KANK1: variants seen among roughly 807,000 people sequenced by gnomAD.
KANK1 encodes the protein KN motif and ankyrin repeat domains 1.
A neutral mutation model predicts 106.2 loss-of-function variants in KANK1; 109 were observed. That is an observed-to-expected ratio of 1.03 (90% CI 0.88 to 1.20). KANK1 has a LOEUF of 1.20. Among genes scored for constraint, KANK1 ranks in the 50% most tolerant of loss-of-function variants. KANK1 has a pLI of 0.00. For missense variants in KANK1, 2,399 were observed against 1,710.7 expected (o/e 1.40, Z -7.10); for synonymous variants, 873 against 652.2 (o/e 1.34, Z -5.16).
At position 647,470 on chromosome 9, in the gene KANK1, G is replaced by A. The variant is rs1032628500; in HGVS notation, c.-83-29420G>A. On this transcript the variant is annotated intron_variant, in intron 1 of 11. Transcript: ENST00000382297. ...GGTCTCTTTCTCTGTCTTTAACATTGGTCAGGTTCCAAACTAGTGAAAACT... is the reference window on the plus strand; with the variant it reads ...GGTCTCTTTCTCTGTCTTTAACATTAGTCAGGTTCCAAACTAGTGAAAACT... Among the ~76,000 whole-genome samples, 141 of 150,896 alleles carry A rather than the reference G, an allele frequency of 9.3e-4. 12 individuals carry two copies. The highest frequency in any genetic ancestry group is 3.4e-3 in the African/African-American group (138 of 40,270).
intron 1 of KANK1, among the ~76,000 whole-genome samples, chr9:594,427 C>T (rs1825736098): frequency 1.3e-5 from 2 of 151,728 alleles, no homozygotes; most frequent in Admixed American, 1.3e-4. Flanking sequence ...AAATCATATA[C>T]CAGAAGGATG....
chr9:735,913 T>A (rs986662505), intron 7 of KANK1: 11 of 241,080 alleles, frequency 4.6e-5, no homozygotes, highest in Non-Finnish European at 8.2e-5. Context: ...GAGAATTGCT[T>A]GCACCCGGGA....
intron 3 of KANK1, among the ~76,000 whole-genome samples, chr9:723,075 A>G (rs1408368337): frequency 2.0e-5 from 3 of 152,202 alleles, no homozygotes; most frequent in Non-Finnish European, 2.9e-5. Context: ...AGGATGGCGA[A>G]TTTCCAGACC....
chr9:690,416 T>C (rs1169726382), intron 2 of KANK1, among the ~76,000 whole-genome samples: 1 of 151,944 alleles, frequency 6.6e-6, no homozygotes, highest in African/African-American at 2.4e-5. Context: ...AGCAGTAGAA[T>C]AGCACCATGC....
At chr9:482,779 C>T (rs960647376) in intron 3 of KANK1, among the ~76,000 whole-genome samples, 5 of 152,228 alleles carry the variant, frequency 3.3e-5, no homozygotes, top group South Asian at 2.1e-4. Context: ...GAATTTGTAT[C>T]GCTGACTCTT....
In KANK1 at chr9:740,881, C is replaced by A. The variant is rs550641108; in HGVS notation, c.3643C>A (p.Arg1215=). The change falls in exon 9 of 12, where the codon CGG becomes AGG. Residue 1215 remains arginine, a synonymous_variant. Transcript: ENST00000382297. ...LAAVEAEKDM[R]IVEELFGCGD... ...CGCTGTGGAAGCAGAGAAGGACATGCGGATTGTGGAAGAACTCTTCGGCTG... is the reference window on the plus strand; with the variant it reads ...CGCTGTGGAAGCAGAGAAGGACATGAGGATTGTGGAAGAACTCTTCGGCTG... 2 of 1,613,894 alleles carry A rather than the reference C, an allele frequency of 1.2e-6. No homozygotes were observed. Among genetic ancestry groups the A allele is most frequent in the African/African-American group, 1.3e-5 (1 of 74,868 alleles).
intron 1 of KANK1, among the ~76,000 whole-genome samples, chr9:588,066 A>C (rs1210010146): frequency 1.9e-5 from 1 of 52,382 alleles, no homozygotes; most frequent in Non-Finnish European, 3.7e-5. Context: ...ACTTGGTCTC[A>C]AGAAAAAAAA....
chr9:702,875 G>A (rs1031848020), intron 2 of KANK1, among the ~76,000 whole-genome samples: 1 of 152,032 alleles, frequency 6.6e-6, no homozygotes, highest in Non-Finnish European at 1.5e-5. Context: ...TTTTACTCTG[G>A]TCATTTACCT....
At chr9:513,596 AT>A (rs1367963662) in intron 1 of KANK1, among the ~76,000 whole-genome samples, 1 of 152,154 alleles carries the variant, frequency 6.6e-6, no homozygotes, top group Non-Finnish European at 1.5e-5. Context: ...CTCTTTTGAT[AT>A]TTGTCTTACT....
intron 3 of KANK1, 102 bp from the exon 4 acceptor site, chr9:729,949 A>G (rs2131681024): frequency 1.0e-6 from 1 of 1,001,534 alleles, no homozygotes; most frequent in African/African-American, 1.7e-5. Flanking sequence ...TGGCTGGGAT[A>G]ATAGTCCCAT....
chr9:723,611 T>C (rs1829928342), intron 3 of KANK1, among the ~76,000 whole-genome samples: 1 of 149,786 alleles, frequency 6.7e-6, no homozygotes, highest in African/African-American at 2.5e-5. Context: ...TGGGTGACAG[T>C]GTGAGACCCT....
chr9:521,103 G>C (rs940056429), intron 1 of KANK1, among the ~76,000 whole-genome samples: 6 of 151,702 alleles, frequency 4.0e-5, no homozygotes, highest in African/African-American at 1.5e-4. Flanking sequence ...TTCTTACTAG[G>C]AAATTTCTGT....
chr9:744,025 C>T (rs576477409), intron 10 of KANK1, among the ~76,000 whole-genome samples: 1 of 152,306 alleles, frequency 6.6e-6, no homozygotes, highest in Admixed American at 6.5e-5. Context: ...GTGCAACCCA[C>T]TGGGATTGCG....
chr9:595,524 T>C (rs1826000915), intron 1 of KANK1, among the ~76,000 whole-genome samples: 1 of 151,796 alleles, frequency 6.6e-6, no homozygotes, highest in East Asian at 1.9e-4. Flanking sequence ...TTTTTTTCTT[T>C]TTTCTTTTTT....
At chr9:735,720 G>A (rs1440793525) in intron 7 of KANK1, 3 of 440,802 alleles carry the variant, frequency 6.8e-6, no homozygotes, top group Admixed American at 2.4e-5. Flanking sequence ...AGGGCCAGGT[G>A]CAGTGGCTGA....
chr9:619,104 A>C (rs527544084), intron 1 of KANK1, among the ~76,000 whole-genome samples: 1 of 152,206 alleles, frequency 6.6e-6, no homozygotes, highest in African/African-American at 2.4e-5. Flanking sequence ...CTCTCTTTTT[A>C]AATGCTTACC....
chr9:643,960 C>T (rs111943770), intron 1 of KANK1, among the ~76,000 whole-genome samples: 1 of 150,956 alleles, frequency 6.6e-6, no homozygotes, highest in Non-Finnish European at 1.5e-5. Context: ...GCCTTGGCCT[C>T]CCAAAGTGCT....
intron 3 of KANK1, among the ~76,000 whole-genome samples, chr9:480,626 C>T (rs2058186380): frequency 6.6e-6 from 1 of 152,196 alleles, no homozygotes; most frequent in South Asian, 2.1e-4. Flanking sequence ...CAGTAGATGA[C>T]TCTAAGTTAT....
chr9:719,787 C>A (rs1828834017), intron 3 of KANK1, among the ~76,000 whole-genome samples: 1 of 151,838 alleles, frequency 6.6e-6, no homozygotes, highest in South Asian at 2.1e-4. Context: ...GCTTTGTCAC[C>A]CAGACTAGAG....
Sources: allele counts gnomAD v4.1 joint callset (sites outside exome capture counted in the v4.1 genomes callset), GRCh38; gene constraint gnomAD v4.1.1; transcripts MANE v1.5; gene names NCBI Gene and HGNC (gene_info 2026-07-23, HGNC 2026-07-21).